The following HCRTR2 variants were observed in gnomAD, a reference collection of about 807,000 sequenced individuals.
HCRTR2 encodes the protein hypocretin receptor 2.
In HCRTR2, 22 loss-of-function variants were observed where a neutral mutation model predicts 49.0. The observed-to-expected ratio is 0.45, with a 90% CI of 0.32 to 0.64. The LOEUF (loss-of-function observed/expected upper bound fraction) is 0.64, where lower values mean the gene tolerates loss of function less well. Among genes scored for constraint, HCRTR2 ranks in the 30% least tolerant of loss-of-function variants. The probability of loss-of-function intolerance (pLI) is 0.04; values close to 1 mark genes in which losing one functional copy is unlikely to be tolerated. For missense variants in HCRTR2, 491 were observed against 559.4 expected, an observed-to-expected ratio of 0.88 and a Z score of 1.23; for synonymous variants, 236 against 205.3, an observed-to-expected ratio of 1.15 and a Z score of -1.28.
intron 1 of HCRTR2, among the ~76,000 whole-genome samples, chr6:55,163,011 G>A (rs1012363327): frequency 2.6e-5 from 4 of 152,136 alleles, no homozygotes; most frequent in African/African-American, 9.7e-5. Flanking sequence ...CACTTTGGGA[G>A]GCCAAGGCAG....
At chr6:55,214,482 C>A (rs1765753646) in intron 1 of HCRTR2, among the ~76,000 whole-genome samples, 1 of 152,022 alleles carries the variant, frequency 6.6e-6, no homozygotes, top group Non-Finnish European at 1.5e-5. Flanking sequence ...GAGACACATG[C>A]CACTGTGCTT....
chr6:55,253,112 G>A (rs1267265607), intron 2 of HCRTR2, among the ~76,000 whole-genome samples: 1 of 151,858 alleles, frequency 6.6e-6, no homozygotes, highest in Non-Finnish European at 1.5e-5. Context: ...CTCGATTCCA[G>A]CTATACTCTT....
In HCRTR2 at chr6:55,230,837, G is replaced by T. The variant is rs1461509513; in HGVS notation, c.224-17802G>T. Among the ~76,000 whole-genome samples, 11 of 142,394 alleles carry T rather than the reference G, an allele frequency of 7.7e-5. No homozygotes were observed. In the East Asian group the frequency reaches 2.2e-3, roughly 28 times the overall value. 93.4% of individuals were successfully genotyped at this position (142,394 alleles called of 152,430 possible). A position where few individuals can be genotyped will look rare whatever the true frequency, so the allele number is the denominator to read the frequency against. ...TGAATGTTATTATCCAATGAAACAG[G>T]TCAAAGATTTTTTTTTTTTTTTACG... On this transcript the variant is annotated intron_variant, in intron 1 of 6. Transcript: ENST00000370862.
In HCRTR2 at chr6:55,260,892, A is replaced by C. The variant is rs537000037; in HGVS notation, c.647-2815A>C. On this transcript the variant is annotated intron_variant, in intron 3 of 6. Coordinates refer to ENST00000370862, the MANE Select transcript of HCRTR2 (RefSeq NM_001384272.1). ...CTGCTCTTATCACAAATCTGATCAC[A>C]TAACCAAGCTTTCATGCTTCTACAT... Among the ~76,000 whole-genome samples the C allele has an allele frequency of 3.5e-4, 54 of 152,336 alleles. 1 individual carries two copies. The South Asian group carries it at 0.011, about 30-fold the overall frequency.
In HCRTR2 at chr6:55,277,412, A is replaced by G; in HGVS notation, c.795A>G (p.Lys265=). Residue 265 remains lysine, a synonymous_variant, in exon 5 of 7, where the codon AAA becomes AAG. Coordinates refer to ENST00000370862, the MANE Select transcript of HCRTR2 (RefSeq NM_001384272.1). The part of the protein sequence containing the change: ...IPGTSSVVQR[K]WKPLQPVSQP... ...GAACATCATCTGTAGTTCAGAGAAA[A>G]TGGAAGCCCCTGCAGCCTGTTTCAC... 6.2e-7 allele frequency: 1 copy of G among 1,614,078 alleles called. No individual in the cohort carries two copies. The highest frequency in any genetic ancestry group is 8.5e-7 in the Non-Finnish European group (1 of 1,179,972).
chr6:55,176,232 A>C (rs1337920228), intron 1 of HCRTR2, among the ~76,000 whole-genome samples: 3 of 152,238 alleles, frequency 2.0e-5, no homozygotes, highest in African/African-American at 7.2e-5. Flanking sequence ...TGAGGAGACA[A>C]GAAACCTCTG....
intron 1 of HCRTR2, among the ~76,000 whole-genome samples, chr6:55,160,908 A>G (rs1764796241): frequency 6.6e-6 from 1 of 152,146 alleles, no homozygotes; most frequent in African/African-American, 2.4e-5. Flanking sequence ...CCCACTGTCA[A>G]TATTAAACAG....
chr6:55,126,711 G>C (rs1561979844), intron 1 of HCRTR2, among the ~76,000 whole-genome samples: 1 of 80,200 alleles, frequency 1.2e-5, no homozygotes, highest in African/African-American at 3.4e-5. Context: ...CTGTCCCAGG[G>C]AGATGGCGTT....
chr6:55,139,256 A>G (rs1343305649), intron 1 of HCRTR2, among the ~76,000 whole-genome samples: 1 of 152,154 alleles, frequency 6.6e-6, no homozygotes. Context: ...AGGTTTGGGA[A>G]TAGGGGAAAC....
chr6:55,163,626 C>G (rs1005087806), intron 1 of HCRTR2, among the ~76,000 whole-genome samples: 1 of 152,174 alleles, frequency 6.6e-6, no homozygotes, highest in African/African-American at 2.4e-5. Flanking sequence ...AAAATTAACT[C>G]AAGATGGATT....
At chr6:55,211,029 C>T (rs1482905773) in intron 1 of HCRTR2, among the ~76,000 whole-genome samples, 1 of 152,112 alleles carries the variant, frequency 6.6e-6, no homozygotes, top group Non-Finnish European at 1.5e-5. Context: ...AAATGCTTAT[C>T]ATTGTGTTAT....
chr6:55,250,659 A>G (rs1562022163), intron 2 of HCRTR2, among the ~76,000 whole-genome samples: 1 of 152,174 alleles, frequency 6.6e-6, no homozygotes, highest in Non-Finnish European at 1.5e-5. Context: ...ATTAGAGGAC[A>G]GAATGGAAGC....
intron 1 of HCRTR2, among the ~76,000 whole-genome samples, chr6:55,125,586 G>C (rs1764262658): frequency 6.6e-6 from 1 of 152,080 alleles, no homozygotes; most frequent in Admixed American, 6.5e-5. Flanking sequence ...TGATGATTCT[G>C]TGTCTTGGGT....
At chr6:55,267,827 A>C (rs1157123605) in intron 4 of HCRTR2, among the ~76,000 whole-genome samples, 3 of 152,180 alleles carry the variant, frequency 2.0e-5, no homozygotes, top group African/African-American at 7.2e-5. Context: ...GTGTGAGAAA[A>C]TAGGCAGCAA....
upstream of HCRTR2, chr6:55,174,391 AAAG>A (rs1195618103): frequency 2.2e-5 from 14 of 626,556 alleles, no homozygotes; most frequent in Middle Eastern, 8.6e-4. Flanking sequence ...CATCGCCTGT[AAAG>A]ACAGCAAAGC....
chr6:55,123,284 T>C (rs1459017911), intron 1 of HCRTR2, among the ~76,000 whole-genome samples: 4 of 152,236 alleles, frequency 2.6e-5, no homozygotes, highest in East Asian at 3.9e-4. Flanking sequence ...TAGCTCTTTT[T>C]TTTGAGACAT....
intron 1 of HCRTR2, among the ~76,000 whole-genome samples, chr6:55,148,438 G>A (rs1185113947): frequency 2.0e-5 from 3 of 152,108 alleles, no homozygotes; most frequent in African/African-American, 7.2e-5. Context: ...AATTATAGAA[G>A]TGGGCATTCC....
upstream of HCRTR2, among the ~76,000 whole-genome samples, chr6:55,170,037 T>C (rs1764926316): frequency 1.3e-5 from 1 of 74,692 alleles, no homozygotes; most frequent in Non-Finnish European, 2.5e-5. Context: ...ACAACCTACC[T>C]ATAACCACCA....
intron 1 of HCRTR2, among the ~76,000 whole-genome samples, chr6:55,213,895 C>A (rs148406507): frequency 1.3e-5 from 2 of 151,726 alleles, no homozygotes; most frequent in Non-Finnish European, 2.9e-5. Context: ...GTAGAAGAAC[C>A]CTTAACTCTC....
Sources: gnomAD v4.1 joint callset for allele counts (sites outside exome capture counted in the v4.1 genomes callset) on GRCh38, gnomAD v4.1.1 for gene constraint, MANE v1.5 for transcripts, NCBI Gene and HGNC (gene_info 2026-07-23, HGNC 2026-07-21) for gene names.